The following FAM117B variants were observed in gnomAD, a reference collection of about 807,000 sequenced individuals.
FAM117B encodes the protein protein FAM117B.
A neutral mutation model predicts 52.8 loss-of-function variants in FAM117B; 22 were observed. The ratio of observed to expected loss-of-function variants is 0.42; its 90% CI spans 0.30 to 0.59. The LOEUF is 0.59. FAM117B is among the 20% of genes least tolerant of loss of function. The probability of loss-of-function intolerance (pLI) is 0.22; values close to 1 mark genes in which losing one functional copy is unlikely to be tolerated. For missense variants in FAM117B, 678 were observed against 802.6 expected (o/e 0.84, Z 1.88); for synonymous variants, 309 against 324.1 (o/e 0.95, Z 0.50).
chr2:202,685,136 C>T (rs950733370), intron 1 of FAM117B, among the ~76,000 whole-genome samples: 1 of 152,052 alleles, frequency 6.6e-6, no homozygotes, highest in African/African-American at 2.4e-5. Flanking sequence ...GTGCCCGCTA[C>T]TATGCCTGGC....
intron 7 of FAM117B, among the ~76,000 whole-genome samples, chr2:202,759,601 A>T (rs1217102244): frequency 6.8e-6 from 1 of 147,802 alleles, no homozygotes; most frequent in African/African-American, 2.5e-5. Context: ...TCTGACACCC[A>T]GGCTGGAGTG....
chr2:202,762,669 A>G (rs1691907815), intron 7 of FAM117B, among the ~76,000 whole-genome samples: 1 of 152,122 alleles, frequency 6.6e-6, no homozygotes, highest in African/African-American at 2.4e-5. Flanking sequence ...TTCTCCTAGC[A>G]TATGTGTAGG....
intron 2 of FAM117B, among the ~76,000 whole-genome samples, chr2:202,720,422 TGTGTGC>T (rs1169960565): frequency 6.9e-4 from 97 of 141,472 alleles, no homozygotes; most frequent in African/African-American, 2.0e-3. Context: ...TGTGTGTGTG[TGTGTGC>T]GCTGCAATTT....
chr2:202,646,032 T>G (rs895920669), intron 1 of FAM117B, among the ~76,000 whole-genome samples: 12 of 131,896 alleles, frequency 9.1e-5, no homozygotes, highest in African/African-American at 2.2e-4. Flanking sequence ...AAGTTTTTTG[T>G]TTTTTTTTTT....
At chr2:202,674,524 A>G (rs1690346673) in intron 1 of FAM117B, among the ~76,000 whole-genome samples, 1 of 152,186 alleles carries the variant, frequency 6.6e-6, no homozygotes, top group Non-Finnish European at 1.5e-5. Flanking sequence ...TCCCTTCAAT[A>G]TGGACATAGC....
chr2:202,686,662 C>A (rs1029976640), intron 1 of FAM117B, among the ~76,000 whole-genome samples: 17 of 152,002 alleles, frequency 1.1e-4, no homozygotes, highest in Non-Finnish European at 2.1e-4. Flanking sequence ...CAAAAATTAG[C>A]CAGGTTTGGT....
intron 1 of FAM117B, among the ~76,000 whole-genome samples, chr2:202,670,859 G>T (rs1453642583): frequency 6.6e-6 from 1 of 152,214 alleles, no homozygotes; most frequent in Non-Finnish European, 1.5e-5. Flanking sequence ...AGACAGGAAG[G>T]TCTGGGGCAA....
chr2:202,649,846 C>G (rs1374712340), intron 1 of FAM117B, among the ~76,000 whole-genome samples: 1 of 151,850 alleles, frequency 6.6e-6, no homozygotes, highest in Non-Finnish European at 1.5e-5. Flanking sequence ...AACCACCGTG[C>G]TCGGCTTATT....
At chr2:202,704,052 A>G (rs771204268) in intron 2 of FAM117B, among the ~76,000 whole-genome samples, 3 of 152,310 alleles carry the variant, frequency 2.0e-5, no homozygotes, top group Middle Eastern at 3.4e-3. Context: ...CCATATAACT[A>G]ATGGTGCTGA....
chr2:202,686,431 A>G (rs1323274652), intron 1 of FAM117B, among the ~76,000 whole-genome samples: 2 of 152,234 alleles, frequency 1.3e-5, no homozygotes, highest in South Asian at 2.1e-4. Flanking sequence ...AAATGAAAAT[A>G]CTTATCCATA....
chr2:202,659,701 G>A (rs572983742), intron 1 of FAM117B, among the ~76,000 whole-genome samples: 11 of 133,518 alleles, frequency 8.2e-5, no homozygotes, highest in South Asian at 2.5e-4. Flanking sequence ...TGCAACCTCC[G>A]CCTCCCGGGT....
chr2:202,722,150 A>C (rs1159806847), intron 2 of FAM117B, among the ~76,000 whole-genome samples: 1 of 151,242 alleles, frequency 6.6e-6, no homozygotes, highest in Admixed American at 6.6e-5. Context: ...AGCTGGGATT[A>C]CACGTGCCTG....
intron 7 of FAM117B, 35 bp downstream of exon 7, chr2:202,759,388 T>C (rs370906359): frequency 1.9e-6 from 3 of 1,594,652 alleles, no homozygotes; most frequent in Non-Finnish European, 2.6e-6. Flanking sequence ...ACAAAAAAAC[T>C]ATTATGAGCT....
intron 7 of FAM117B, among the ~76,000 whole-genome samples, chr2:202,761,462 A>G (rs1691888014): frequency 6.6e-6 from 1 of 152,148 alleles, no homozygotes; most frequent in Admixed American, 6.5e-5. Flanking sequence ...GTGTGTCTGT[A>G]GATAGATCAA....
chr2:202,643,561 A>G (rs928222584), intron 1 of FAM117B, among the ~76,000 whole-genome samples: 5 of 152,206 alleles, frequency 3.3e-5, no homozygotes, highest in African/African-American at 1.2e-4. Context: ...CTACGTGTGC[A>G]TAATTTAAAA....
intron 2 of FAM117B, among the ~76,000 whole-genome samples, chr2:202,720,447 A>C (rs1574568724): frequency 6.6e-6 from 1 of 151,198 alleles, no homozygotes; most frequent in Non-Finnish European, 1.5e-5. Context: ...TTTTGAAAGT[A>C]TGTTGGAGAT....
chr2:202,740,825 T>C (rs1691521360), intron 4 of FAM117B, among the ~76,000 whole-genome samples: 1 of 152,164 alleles, frequency 6.6e-6, no homozygotes, highest in South Asian at 2.1e-4. Flanking sequence ...AAAATTTCTC[T>C]AGTTACAAAA....
At chr2:202,676,063 A>G (rs1472096287) in intron 1 of FAM117B, among the ~76,000 whole-genome samples, 1 of 150,456 alleles carries the variant, frequency 6.6e-6, no homozygotes, top group African/African-American at 2.4e-5. Flanking sequence ...AAAGATTGTC[A>G]CTTATGTATT....
rs182982975 is a variant in FAM117B, at chr2:202,765,295, G to T, written c.1452-151G>T. On this transcript the variant is annotated intron_variant, in intron 7 of 7. Coordinates refer to ENST00000392238, the MANE Select transcript of FAM117B (RefSeq NM_173511.4). ...GCACTTTGGTCCTTTATGTTTGAAGGTGGGGGACAGAGCTTGAGTTTTATA... is the reference window on the plus strand; with the variant it reads ...GCACTTTGGTCCTTTATGTTTGAAGTTGGGGGACAGAGCTTGAGTTTTATA... 26 of 733,520 alleles carry T rather than the reference G, an allele frequency of 3.5e-5. 1 individual carries two copies. Among genetic ancestry groups the T allele is most frequent in the Middle Eastern group, 3.6e-4 (1 of 2,804 alleles). 45.4% of individuals were successfully genotyped at this position (733,520 alleles called of 1,614,324 possible). A position where few individuals can be genotyped will look rare whatever the true frequency, so the allele number is the denominator to read the frequency against.
Sources: gnomAD v4.1 joint callset for allele counts (sites outside exome capture counted in the v4.1 genomes callset) on GRCh38, gnomAD v4.1.1 for gene constraint, MANE v1.5 for transcripts, NCBI Gene and HGNC (gene_info 2026-07-23, HGNC 2026-07-21) for gene names.